CTNND2: variants seen among roughly 807,000 people sequenced by gnomAD.
The protein encoded by CTNND2 is catenin delta 2, also known as catenin delta-2.
In CTNND2, 22 loss-of-function variants were observed where a neutral mutation model predicts 144.4. That is an observed-to-expected ratio of 0.15 (90% confidence interval 0.11 to 0.22). The LOEUF (loss-of-function observed/expected upper bound fraction) is 0.22. CTNND2 is among the 10% of genes least tolerant of loss of function. CTNND2 has a pLI of 1.00. For synonymous variants in CTNND2, 751 were observed against 695.6 expected (o/e 1.08, Z -1.25); for missense variants, 1,353 against 1,618.8 (o/e 0.84, Z 2.82).
intron 3 of CTNND2, among the ~76,000 whole-genome samples, chr5:11,549,946 A>AT (rs1476291915): frequency 6.6e-6 from 1 of 152,226 alleles, no homozygotes; most frequent in Non-Finnish European, 1.5e-5. Context: ...AAGGAAAGCC[A>AT]TAAGTAAATA....
At chr5:11,200,844 AT>A (rs577053632) in intron 10 of CTNND2, among the ~76,000 whole-genome samples, 1 of 151,470 alleles carries the variant, frequency 6.6e-6, no homozygotes, top group Non-Finnish European at 1.5e-5. Flanking sequence ...ACGCCCGGCT[AT>A]TTTTTTTGTA....
intron 1 of CTNND2, among the ~76,000 whole-genome samples, chr5:11,802,289 C>G (rs1410681557): frequency 6.6e-6 from 1 of 150,386 alleles, no homozygotes; most frequent in African/African-American, 2.4e-5. Context: ...AAAAAAAGTC[C>G]AAGTGCAGTG....
intron 1 of CTNND2, among the ~76,000 whole-genome samples, chr5:11,856,445 G>A (rs1795254377): frequency 6.6e-6 from 1 of 152,084 alleles, no homozygotes; most frequent in Non-Finnish European, 1.5e-5. Context: ...AAAAAGCTGT[G>A]TTTCTCTGTA....
rs1323671776 is a variant in CTNND2 at position 11,817,994 on chromosome 5, T to TG, written c.38-85723_38-85722insC. ...GTATTATGAGGTGTTTTTTTTTTTT[T>TG]TTTTTTTTTTCAGTTCTCCTCCATC... On this transcript the variant is annotated intron_variant, in intron 1 of 21. Coordinates refer to ENST00000304623, the MANE Select transcript of CTNND2 (RefSeq NM_001332.4). Among the ~76,000 whole-genome samples, 16 of 69,220 alleles carry TG rather than the reference T, an allele frequency of 2.3e-4. No individual in the cohort carries two copies. In the South Asian group the frequency reaches 5.0e-3, roughly 22 times the overall value. The allele number at this position is 69,220 out of a possible 152,430, so 45.4% of individuals were successfully genotyped here. A position where few individuals can be genotyped will look rare whatever the true frequency, so the allele number is the denominator to read the frequency against.
chr5:11,023,094 GTT>G, intron 16 of CTNND2, 115 bp from the exon 17 acceptor site: 1 of 859,938 alleles, frequency 1.2e-6, no homozygotes, highest in Non-Finnish European at 1.9e-6. Context: ...ATGCAAAATT[GTT>G]TGTTTCCCAT....
intron 16 of CTNND2, among the ~76,000 whole-genome samples, chr5:11,077,997 A>G (rs1328470600): frequency 6.6e-6 from 1 of 152,180 alleles, no homozygotes; most frequent in Non-Finnish European, 1.5e-5. Context: ...TGGACATGCT[A>G]TATTTGAGAC....
At chr5:11,718,673 A>G (rs1368728155) in intron 2 of CTNND2, among the ~76,000 whole-genome samples, 1 of 152,116 alleles carries the variant, frequency 6.6e-6, no homozygotes, top group East Asian at 1.9e-4. Flanking sequence ...CTTCTCCCAG[A>G]ACACTGAAAT....
At chr5:11,368,858 T>C (rs1757209242) in intron 7 of CTNND2, among the ~76,000 whole-genome samples, 1 of 152,144 alleles carries the variant, frequency 6.6e-6, no homozygotes, top group Non-Finnish European at 1.5e-5. Context: ...ATAATATAAA[T>C]GGTATTGTTG....
chr5:11,675,687 TA>T (rs1190821996), intron 2 of CTNND2, among the ~76,000 whole-genome samples: 4 of 152,152 alleles, frequency 2.6e-5, no homozygotes, highest in African/African-American at 4.8e-5. Flanking sequence ...ATATAAATGT[TA>T]AAAAAACTGT....
At chr5:11,458,962 AT>A (rs1765965782) in intron 3 of CTNND2, among the ~76,000 whole-genome samples, 1 of 149,634 alleles carries the variant, frequency 6.7e-6, no homozygotes, top group African/African-American at 2.5e-5. Flanking sequence ...TAGAGATGGC[AT>A]TTTGCCATGT....
intron 1 of CTNND2, among the ~76,000 whole-genome samples, chr5:11,807,234 T>C (rs1201752855): frequency 6.6e-6 from 1 of 152,152 alleles, no homozygotes; most frequent in Non-Finnish European, 1.5e-5. Flanking sequence ...CCTATTTGTG[T>C]TTTTCCCCTT....
intron 3 of CTNND2, among the ~76,000 whole-genome samples, chr5:11,515,897 C>T (rs953173157): frequency 2.0e-5 from 3 of 151,964 alleles, no homozygotes; most frequent in Admixed American, 1.3e-4. Context: ...CTCAGGAGTT[C>T]GAAACCAGCC....
intron 16 of CTNND2, among the ~76,000 whole-genome samples, chr5:11,039,071 A>AAAGCAAGC (rs546739659): frequency 2.0e-5 from 3 of 152,272 alleles, no homozygotes; most frequent in African/African-American, 7.2e-5. Flanking sequence ...AAACAATCCC[A>AAAGCAAGC]AAGCAAGCAA....
intron 1 of CTNND2, among the ~76,000 whole-genome samples, chr5:11,803,099 A>T (rs1791785172): frequency 6.6e-6 from 1 of 152,164 alleles, no homozygotes; most frequent in African/African-American, 2.4e-5. Context: ...AGGCGGGTGG[A>T]TCACGAGGTC....
intron 2 of CTNND2, among the ~76,000 whole-genome samples, chr5:11,710,545 A>C (rs1262488404): frequency 6.6e-6 from 1 of 151,862 alleles, no homozygotes; most frequent in Non-Finnish European, 1.5e-5. Flanking sequence ...ATCTCAAAAA[A>C]AAAAAAAAAA....
chr5:11,815,281 T>G (rs1305203381), intron 1 of CTNND2, among the ~76,000 whole-genome samples: 1 of 152,172 alleles, frequency 6.6e-6, no homozygotes, highest in African/African-American at 2.4e-5. Context: ...TTAATTAAAA[T>G]TAACGTTAAT....
At chr5:11,446,912 C>T (rs1764858725) in intron 3 of CTNND2, among the ~76,000 whole-genome samples, 1 of 152,062 alleles carries the variant, frequency 6.6e-6, no homozygotes, top group Non-Finnish European at 1.5e-5. Flanking sequence ...ACAGTAGTGC[C>T]AACTGTTCTG....
At position 11,168,229 on chromosome 5, in the gene CTNND2, A is replaced by C. The variant is rs574160529; in HGVS notation, c.1976-8470T>G. ...TTTAGAATTCTTCTATTAGATGTTT[A>C]CCAAAAAGGCACAACAGATCAGGCT... On this transcript the variant is annotated intron_variant, in intron 11 of 21. Transcript: ENST00000304623. Among the ~76,000 whole-genome samples, 5 of 152,284 alleles carry C rather than the reference A, an allele frequency of 3.3e-5. No individual in the cohort carries two copies. The South Asian group carries it at 1.0e-3, about 32-fold the overall frequency.
intron 2 of CTNND2, among the ~76,000 whole-genome samples, chr5:11,598,359 C>T (rs1380942557): frequency 6.6e-6 from 1 of 152,166 alleles, no homozygotes; most frequent in East Asian, 1.9e-4. Flanking sequence ...GAAATTCCAG[C>T]TTCCTCAGAA....
Sources: gnomAD v4.1 joint callset for allele counts (sites outside exome capture counted in the v4.1 genomes callset) on GRCh38, gnomAD v4.1.1 for gene constraint, MANE v1.5 for transcripts, NCBI Gene and HGNC (gene_info 2026-07-23, HGNC 2026-07-21) for gene names.